TCEANC2: variants seen among roughly 807,000 people sequenced by gnomAD.
TCEANC2 encodes the protein transcription elongation factor A N-terminal and central domain-containing protein 2.
Under a neutral mutation model 22.8 loss-of-function variants are expected in TCEANC2, and 20 were observed. That is an observed-to-expected ratio of 0.88 (90% CI 0.62 to 1.28). The LOEUF is 1.28. Ranked by LOEUF, TCEANC2 falls within the 50% of genes most tolerant of loss-of-function variation. The pLI is 0.00. For synonymous variants in TCEANC2, 84 were observed against 95.5 expected, an observed-to-expected ratio of 0.88 and a Z score of 0.70; for missense variants, 251 against 249.7, an observed-to-expected ratio of 1.01 and a Z score of -0.03.
At chr1:54,067,410 C>T (rs537631457) in intron 2 of TCEANC2, among the ~76,000 whole-genome samples, 1 of 152,254 alleles carries the variant, frequency 6.6e-6, no homozygotes, top group African/African-American at 2.4e-5. Flanking sequence ...TATGGGAACT[C>T]AACAGTGGGA....
At chr1:54,054,320 G>C (rs774794361) in intron 1 of TCEANC2, 61 bp from the exon 2 acceptor site, 5 of 1,531,798 alleles carry the variant, frequency 3.3e-6, no homozygotes, top group Non-Finnish European at 4.4e-6. Context: ...TGTTACTTTG[G>C]GGAAAAAATA....
At chr1:54,091,753 T>C (rs1026244888) in intron 4 of TCEANC2, among the ~76,000 whole-genome samples, 1 of 152,196 alleles carries the variant, frequency 6.6e-6, no homozygotes, top group African/African-American at 2.4e-5. Flanking sequence ...TCTTTGTTCT[T>C]CCCCATCTTT....
At chr1:54,092,209 G>A (rs979770289) in intron 4 of TCEANC2, among the ~76,000 whole-genome samples, 1 of 152,292 alleles carries the variant, frequency 6.6e-6, no homozygotes, top group Admixed American at 6.5e-5. Flanking sequence ...CTTGGTGCTG[G>A]GGGAGAAGAC....
At chr1:54,091,579 A>G (rs1259069431) in intron 4 of TCEANC2, among the ~76,000 whole-genome samples, 1 of 152,246 alleles carries the variant, frequency 6.6e-6, no homozygotes. Context: ...TAGATGAAGA[A>G]TAATAACGCA....
At chr1:54,078,302 A>G (rs1658180256) in intron 3 of TCEANC2, among the ~76,000 whole-genome samples, 1 of 152,142 alleles carries the variant, frequency 6.6e-6, no homozygotes, top group Non-Finnish European at 1.5e-5. Flanking sequence ...GGAAACTGAG[A>G]CCCAGAGAGA....
At chr1:54,094,927 C>A in intron 4 of TCEANC2, among the ~76,000 whole-genome samples, 1 of 152,062 alleles carries the variant, frequency 6.6e-6, no homozygotes, top group East Asian at 1.9e-4. Flanking sequence ...TTGCTTGAGG[C>A]CAGGAGTTCA....
chr1:54,060,794 G>A (rs908032591), intron 2 of TCEANC2, among the ~76,000 whole-genome samples: 2 of 152,094 alleles, frequency 1.3e-5, no homozygotes, highest in African/African-American at 4.8e-5. Flanking sequence ...ACAAAAATTA[G>A]CCGGGTGTGG....
chr1:54,063,642 T>C (rs1332908208), intron 2 of TCEANC2, among the ~76,000 whole-genome samples: 3 of 152,238 alleles, frequency 2.0e-5, no homozygotes, highest in South Asian at 2.1e-4. Context: ...TTTTGGACTT[T>C]GAATTTTTGG....
At chr1:54,075,331 A>G (rs1300131938) in intron 3 of TCEANC2, among the ~76,000 whole-genome samples, 1 of 151,850 alleles carries the variant, frequency 6.6e-6, no homozygotes, top group Non-Finnish European at 1.5e-5. Flanking sequence ...AGGCAAGTGG[A>G]GAAGGGTTTT....
intron 3 of TCEANC2, among the ~76,000 whole-genome samples, chr1:54,082,477 C>T (rs953182212): frequency 3.9e-5 from 6 of 152,198 alleles, no homozygotes; most frequent in Non-Finnish European, 7.3e-5. Flanking sequence ...GTGCTAGGCA[C>T]TATGCTGGGG....
Position 54,096,150 on chromosome 1 carries a change from C to A in TCEANC2, c.439-135C>A. The A allele has an allele frequency of 7.3e-7, 1 of 1,369,504 alleles. No homozygotes were observed. The highest frequency in any genetic ancestry group is 9.7e-7 in the Non-Finnish European group (1 of 1,032,766). 84.8% of individuals were successfully genotyped at this position (1,369,504 alleles called of 1,614,324 possible). A position where few individuals can be genotyped will look rare whatever the true frequency, so the allele number is the denominator to read the frequency against. On this transcript the variant is annotated intron_variant, in intron 4 of 4. Transcript: ENST00000234827. The surrounding 1 kb of genome is among the most constrained non-coding windows in gnomAD (Gnocchi z 4.9). ...TGGAATTAATTTGCTCTTCCTGTTT[C>A]TCTTGTGACAGGAAGTAGATGTCCT...
rs552300800 is a variant in TCEANC2 at position 54,098,634 on chromosome 1, T to G, written c.*2161T>G. 1 of 152,374 alleles carries G rather than the reference T, an allele frequency of 6.6e-6. No individual in the cohort carries two copies. Among genetic ancestry groups the G allele is most frequent in the East Asian group, 1.9e-4 (1 of 5,194 alleles). 9.4% of individuals were successfully genotyped at this position (152,374 alleles called of 1,614,324 possible). On this transcript the variant is annotated 3_prime_UTR_variant, in exon 5 of 5. Coordinates refer to ENST00000234827, the MANE Select transcript of TCEANC2 (RefSeq NM_153035.3). ...AGAGTCTCTGTTCTGTTCCCTGTTA[T>G]ATCTCCAGCATCTGGAACAGAGCCT...
chr1:54,061,843 A>C (rs1214605394), intron 2 of TCEANC2, among the ~76,000 whole-genome samples: 3 of 152,244 alleles, frequency 2.0e-5, no homozygotes, highest in African/African-American at 7.2e-5. Flanking sequence ...TTATCAGTAT[A>C]TATTACAAGT....
rs552300800 is a variant in TCEANC2, at chr1:54,098,634, T to C, written c.*2161T>C. On this transcript the variant is annotated 3_prime_UTR_variant, in exon 5 of 5. Transcript: ENST00000234827. ...AGAGTCTCTGTTCTGTTCCCTGTTA[T>C]ATCTCCAGCATCTGGAACAGAGCCT... is the stretch of plus-strand genomic sequence containing the variant. The C allele has an allele frequency of 2.0e-5, 3 of 152,256 alleles. No individual in the cohort carries two copies. Among genetic ancestry groups the C allele is most frequent in the Non-Finnish European group, 2.9e-5 (2 of 68,080 alleles). 9.4% of individuals were successfully genotyped at this position (152,256 alleles called of 1,614,324 possible). A position where few individuals can be genotyped will look rare whatever the true frequency, so the allele number is the denominator to read the frequency against.
rs557691050 is a variant in TCEANC2 at position 54,068,395 on chromosome 1, C to T, written c.103-361C>T. Among the ~76,000 whole-genome samples, 3 of 152,338 alleles carry T rather than the reference C, an allele frequency of 2.0e-5. No individual in the cohort carries two copies. The East Asian group carries it at 5.8e-4, about 29-fold the overall frequency. On this transcript the variant is annotated intron_variant, in intron 2 of 4. Transcript: ENST00000234827. ...CATAAACATGTCTATGACTTCCCTG[C>T]TCGCTGTTCTTGCCTATGAATTAAG...
intron 2 of TCEANC2, among the ~76,000 whole-genome samples, chr1:54,061,738 A>G (rs1397530044): frequency 2.0e-5 from 3 of 150,482 alleles, no homozygotes; most frequent in Non-Finnish European, 4.4e-5. Context: ...TCCCCTATAG[A>G]TAGGGTGAGC....
Position 54,068,806 on chromosome 1 carries a change from TC to T in TCEANC2, c.155del (p.Pro52LeufsTer15), listed in dbSNP as rs1337714440. The part of the protein sequence containing the change: ...IKRWKTMLEL[P>X]DQTKENLVEA... ...AAAGATGGAAAACTATGCTGGAGCT[TC>T]CTGATCAAACCAAAGAGAATCTTGT... On this transcript the variant is annotated frameshift_variant, in exon 3 of 5. Transcript: ENST00000234827. LOFTEE classifies it high-confidence loss of function. 1.2e-6 allele frequency: 2 copies of T among 1,612,540 alleles called. No homozygotes were observed. The highest frequency in any genetic ancestry group is 1.7e-6 in the Non-Finnish European group (2 of 1,179,512).
intron 3 of TCEANC2, among the ~76,000 whole-genome samples, chr1:54,080,741 T>A (rs950279294): frequency 6.6e-6 from 1 of 152,236 alleles, no homozygotes; most frequent in African/African-American, 2.4e-5. Context: ...AGCAAAAGAC[T>A]GCTTCCTGCA....
At position 54,099,113 on chromosome 1, in the gene TCEANC2, G is replaced by A. The variant is rs1444727869; in HGVS notation, c.*2640G>A. 6.6e-6 allele frequency: 1 copy of A among 152,234 alleles called. No individual in the cohort carries two copies. The highest frequency in any genetic ancestry group is 1.5e-5 in the Non-Finnish European group (1 of 68,072). The allele number at this position is 152,234 out of a possible 1,614,324, so 9.4% of individuals were successfully genotyped here. On this transcript the variant is annotated 3_prime_UTR_variant, in exon 5 of 5. Coordinates refer to ENST00000234827, the MANE Select transcript of TCEANC2 (RefSeq NM_153035.3). ...TAATAGGCTATGTGGAAGAGAAGCT[G>A]GGGTAGGGAGACAGGAAGTAGCAAG...
Sources: allele counts gnomAD v4.1 joint callset (sites outside exome capture counted in the v4.1 genomes callset), GRCh38; gene constraint gnomAD v4.1.1; non-coding constraint Gnocchi (gnomAD v3.1); transcripts MANE v1.5; gene names NCBI Gene and HGNC (gene_info 2026-07-23, HGNC 2026-07-21).